Variants in NEK10 observed in about 807,000 individuals in gnomAD.
The protein encoded by NEK10 is NIMA related kinase 10, also known as serine/threonine-protein kinase Nek10.
Under a neutral mutation model 159.8 loss-of-function variants are expected in NEK10, and 122 were observed. That is an observed-to-expected ratio of 0.76 (90% confidence interval 0.66 to 0.89). The LOEUF (loss-of-function observed/expected upper bound fraction) is 0.89, where lower values mean the gene tolerates loss of function less well. Among genes scored for constraint, NEK10 ranks in the 40% least tolerant of loss-of-function variants. NEK10 has a pLI of 0.00. For missense variants in NEK10, 1,342 were observed against 1,323.1 expected (o/e 1.01, Z -0.22); for synonymous variants, 466 against 457.1 (o/e 1.02, Z -0.25).
intron 23 of NEK10, among the ~76,000 whole-genome samples, chr3:27,204,070 T>C (rs539639523): frequency 6.6e-6 from 1 of 152,068 alleles, no homozygotes; most frequent in African/African-American, 2.4e-5. Context: ...CACAGACAAA[T>C]TTCTCATATT....
At chr3:27,233,299 A>G (rs1953512837) in intron 23 of NEK10, among the ~76,000 whole-genome samples, 1 of 152,140 alleles carries the variant, frequency 6.6e-6, no homozygotes, top group Non-Finnish European at 1.5e-5. Context: ...AATGCTCAAC[A>G]TCACTAATCA....
intron 22 of NEK10, among the ~76,000 whole-genome samples, chr3:27,281,440 T>C (rs147291791): frequency 6.8e-4 from 103 of 152,046 alleles, no homozygotes; most frequent in African/African-American, 2.5e-3. Context: ...ACCTCATGTA[T>C]CAAGAAATAG....
intron 4 of NEK10, 33 bp from the exon 5 acceptor site, chr3:27,344,403 A>C: frequency 2.6e-6 from 3 of 1,151,132 alleles, no homozygotes. Flanking sequence ...GGATTTTGTA[A>C]TAGAGATCAG....
intron 22 of NEK10, among the ~76,000 whole-genome samples, chr3:27,274,779 A>G (rs990051727): frequency 2.0e-5 from 3 of 152,138 alleles, no homozygotes; most frequent in Non-Finnish European, 4.4e-5. Flanking sequence ...CTGGCTGGAA[A>G]TGCTGATGAC....
chr3:27,147,179 T>C (rs978234906), intron 30 of NEK10, among the ~76,000 whole-genome samples: 2 of 152,312 alleles, frequency 1.3e-5, no homozygotes, highest in Middle Eastern at 3.4e-3. Flanking sequence ...GCTGAGGTCA[T>C]ACACGTTGTG....
At chr3:27,175,531 A>AAATT (rs1186484751) in intron 26 of NEK10, among the ~76,000 whole-genome samples, 1 of 152,230 alleles carries the variant, frequency 6.6e-6, no homozygotes, top group East Asian at 1.9e-4. Context: ...GGGTCAATAA[A>AAATT]AATTAATTAA....
At position 27,231,352 on chromosome 3, in the gene NEK10, C is replaced by T. The variant is rs200567267; in HGVS notation, c.2090+24944G>A. Among the ~76,000 whole-genome samples the T allele has an allele frequency of 8.6e-5, 13 of 151,908 alleles. No homozygotes were observed. The East Asian group carries it at 2.3e-3, about 27-fold the overall frequency. On this transcript the variant is annotated intron_variant, in intron 23 of 35. Coordinates refer to ENST00000691995, the MANE Select transcript of NEK10 (RefSeq NM_001394966.1). The stretch of plus-strand genomic sequence containing the variant: ...CCTCTGGAATACAGCAAAAGTGGTG[C>T]TAAAAGGAAAGTTCATAGCATTAAA...
chr3:27,123,805 G>C (rs924272770), intron 32 of NEK10, among the ~76,000 whole-genome samples: 1 of 151,872 alleles, frequency 6.6e-6, no homozygotes, highest in African/African-American at 2.4e-5. Context: ...TGAGTAGATG[G>C]GGCGAGAAGA....
At chr3:27,311,828 G>A (rs1315888812) in intron 8 of NEK10, 7 of 387,374 alleles carry the variant, frequency 1.8e-5, no homozygotes, top group Middle Eastern at 7.2e-4. Flanking sequence ...ATAAAAAGAC[G>A]CAAAAATAGA....
At position 27,291,599 on chromosome 3, in the gene NEK10, T is replaced by G; in HGVS notation, c.1374-13A>C. ...TGTGGGGAAAAGTCTACAGAGAATA[T>G]TACACACACTTAAAGTAGAACTTGG... On this transcript the variant is annotated splice_polypyrimidine_tract_variant and intron_variant, in intron 16 of 35. Transcript: ENST00000691995. The G allele has an allele frequency of 7.4e-7, 1 of 1,360,034 alleles. No individual in the cohort carries two copies. The allele number at this position is 1,360,034 out of a possible 1,614,324, so 84.2% of individuals were successfully genotyped here.
chr3:27,127,847 C>G (rs1292876733), intron 32 of NEK10, among the ~76,000 whole-genome samples: 1 of 152,076 alleles, frequency 6.6e-6, no homozygotes, highest in Non-Finnish European at 1.5e-5. Flanking sequence ...CAGGCAATCC[C>G]TCTCCGCTTC....
chr3:27,219,566 C>G (rs1951884670), intron 23 of NEK10, among the ~76,000 whole-genome samples: 1 of 152,180 alleles, frequency 6.6e-6, no homozygotes. Context: ...ATTCAAAAAT[C>G]CAAACTGTTT....
intron 29 of NEK10, among the ~76,000 whole-genome samples, chr3:27,163,159 G>GA (rs1454218704): frequency 6.6e-6 from 1 of 151,208 alleles, no homozygotes; most frequent in Non-Finnish European, 1.5e-5. Flanking sequence ...TTTTTGCATT[G>GA]AAAATAATTA....
intron 22 of NEK10, among the ~76,000 whole-genome samples, chr3:27,260,997 G>T (rs2040361225): frequency 6.6e-6 from 1 of 152,108 alleles, no homozygotes; most frequent in Non-Finnish European, 1.5e-5. Flanking sequence ...AGATTTTCTA[G>T]TTTATTTGCG....
intron 23 of NEK10, among the ~76,000 whole-genome samples, chr3:27,244,279 T>G (rs1954844707): frequency 6.6e-6 from 1 of 152,198 alleles, no homozygotes. Flanking sequence ...ATAAAACACC[T>G]ATTTTACAGA....
chr3:27,328,900 T>C lies in NEK10; in HGVS notation c.363-6639A>G, dbSNP rs9869232. ...AGTGAGAAAACTCAAAAGTACTGTTTTAAACATGTTAACTTTGAGATGCTT... is the reference window on the plus strand; with the variant it reads ...AGTGAGAAAACTCAAAAGTACTGTTCTAAACATGTTAACTTTGAGATGCTT... On this transcript the variant is annotated intron_variant, in intron 5 of 35. Transcript: ENST00000691995. 6.7e-3 allele frequency among the ~76,000 whole-genome samples: 1,015 copies of C among 152,244 alleles called. 14 individuals are homozygous for C. Among genetic ancestry groups the C allele is most frequent in the African/African-American group, 0.023 (967 of 41,528 alleles).
intron 30 of NEK10, among the ~76,000 whole-genome samples, chr3:27,156,525 C>T (rs1467517891): frequency 6.6e-6 from 1 of 151,922 alleles, no homozygotes; most frequent in Non-Finnish European, 1.5e-5. Flanking sequence ...AGAAGATACT[C>T]AAATGACCAA....
At chr3:27,174,160 G>A (rs1005765886) in intron 28 of NEK10, among the ~76,000 whole-genome samples, 1 of 152,152 alleles carries the variant, frequency 6.6e-6, no homozygotes, top group Non-Finnish European at 1.5e-5. Context: ...TTATTTGGCT[G>A]TCTCCAAGTT....
intron 30 of NEK10, among the ~76,000 whole-genome samples, chr3:27,155,810 C>A (rs1279636388): frequency 6.6e-6 from 1 of 151,936 alleles, no homozygotes; most frequent in African/African-American, 2.4e-5. Context: ...CATATGCAAC[C>A]AAAAAGGAGT....
Sources: gnomAD v4.1 joint callset for allele counts (sites outside exome capture counted in the v4.1 genomes callset) on GRCh38, gnomAD v4.1.1 for gene constraint, MANE v1.5 for transcripts, NCBI Gene and HGNC (gene_info 2026-07-23, HGNC 2026-07-21) for gene names.